IMMP2L: variants seen among roughly 807,000 people sequenced by gnomAD.
IMMP2L encodes mitochondrial inner membrane protease subunit 2.
In IMMP2L, 18 loss-of-function variants were observed where a neutral mutation model predicts 19.3. That is an observed-to-expected ratio of 0.93 (90% confidence interval 0.64 to 1.38). The LOEUF is 1.38. IMMP2L is among the 40% of genes most tolerant of loss of function. The pLI is 0.00. For synonymous variants in IMMP2L, 76 were observed against 73.0 expected, an observed-to-expected ratio of 1.04 and a Z score of -0.21; for missense variants, 233 against 218.2, an observed-to-expected ratio of 1.07 and a Z score of -0.43.
intron 3 of IMMP2L, among the ~76,000 whole-genome samples, chr7:111,041,746 G>A (rs1004845449): frequency 1.2e-4 from 19 of 152,030 alleles, no homozygotes; most frequent in African/African-American, 4.4e-4. Context: ...TCAGCCCAGG[G>A]CTTTCCTTTG....
At chr7:110,817,107 G>T (rs1427442888) in intron 5 of IMMP2L, among the ~76,000 whole-genome samples, 1 of 152,024 alleles carries the variant, frequency 6.6e-6, no homozygotes, top group African/African-American at 2.4e-5. Context: ...AGAAGTTCTG[G>T]CCAGGGCAAT....
chr7:111,238,231 G>C (rs1024785365), intron 3 of IMMP2L, among the ~76,000 whole-genome samples: 8 of 152,006 alleles, frequency 5.3e-5, no homozygotes, highest in African/African-American at 1.9e-4. Context: ...AAGAAGACAG[G>C]CTGGAAGTCT....
intron 3 of IMMP2L, among the ~76,000 whole-genome samples, chr7:111,387,542 T>G (rs369840227): frequency 6.6e-6 from 1 of 152,172 alleles, no homozygotes; most frequent in Non-Finnish European, 1.5e-5. Flanking sequence ...CTTAACAATA[T>G]AGATGGTTTC....
At chr7:110,864,364 G>A (rs1465482753) in intron 5 of IMMP2L, among the ~76,000 whole-genome samples, 1 of 151,990 alleles carries the variant, frequency 6.6e-6, no homozygotes, top group Middle Eastern at 3.2e-3. Context: ...GTATGAATGT[G>A]TTCAAATATA....
At position 111,350,433 on chromosome 7, in the gene IMMP2L, T is replaced by A. The variant is rs1828036140; in HGVS notation, c.239+136805A>T. Among the ~76,000 whole-genome samples the A allele has an allele frequency of 2.6e-5, 4 of 152,058 alleles. No homozygotes were observed. The South Asian group carries it at 8.3e-4, about 32-fold the overall frequency. On this transcript the variant is annotated intron_variant, in intron 3 of 5. Coordinates refer to ENST00000405709, the MANE Select transcript of IMMP2L (RefSeq NM_032549.4). ...TATTATAAATTGTTAGGCTATGAAC[T>A]CATTGAACAGGGCCATCTTAGTGTC...
intron 5 of IMMP2L, among the ~76,000 whole-genome samples, chr7:110,842,978 T>C (rs983106112): frequency 1.1e-4 from 16 of 152,102 alleles, no homozygotes; most frequent in African/African-American, 3.6e-4. Flanking sequence ...AACCACAGCT[T>C]AGAAAAACTA....
intron 2 of IMMP2L, among the ~76,000 whole-genome samples, chr7:111,488,990 T>A (rs969932355): frequency 6.6e-6 from 1 of 152,032 alleles, no homozygotes; most frequent in Admixed American, 6.5e-5. Context: ...TTATTGGCCA[T>A]TTGTGTATCT....
chr7:111,383,654 T>G (rs560787956), intron 3 of IMMP2L, among the ~76,000 whole-genome samples: 1 of 152,156 alleles, frequency 6.6e-6, no homozygotes, highest in South Asian at 2.1e-4. Context: ...AATGCATCAG[T>G]CCAGAATCCC....
intron 3 of IMMP2L, among the ~76,000 whole-genome samples, chr7:111,155,703 C>T (rs1465790262): frequency 6.6e-6 from 1 of 151,606 alleles, no homozygotes; most frequent in African/African-American, 2.4e-5. Flanking sequence ...CACAGACAGT[C>T]ATGTTTTCTA....
At chr7:111,488,522 T>C (rs911596085) in intron 2 of IMMP2L, among the ~76,000 whole-genome samples, 3 of 152,206 alleles carry the variant, frequency 2.0e-5, no homozygotes, top group African/African-American at 7.2e-5. Context: ...ATTTCGTTCC[T>C]TTTTATGGCT....
intron 3 of IMMP2L, among the ~76,000 whole-genome samples, chr7:111,336,228 G>GT (rs1826395762): frequency 6.9e-6 from 1 of 145,940 alleles, no homozygotes; most frequent in African/African-American, 2.5e-5. Context: ...TTTTTTTTAA[G>GT]TTTTTTGTAG....
intron 3 of IMMP2L, among the ~76,000 whole-genome samples, chr7:110,993,324 C>T (rs996705260): frequency 2.6e-5 from 4 of 152,282 alleles, no homozygotes; most frequent in Middle Eastern, 3.4e-3. Context: ...GTTCCTATGT[C>T]TCTGCTCTAA....
intron 3 of IMMP2L, among the ~76,000 whole-genome samples, chr7:111,315,752 A>G (rs1409837068): frequency 6.6e-6 from 1 of 151,834 alleles, no homozygotes; most frequent in Non-Finnish European, 1.5e-5. Flanking sequence ...AAAAGGCTTC[A>G]TTTTTCAACT....
At chr7:111,516,871 C>G (rs1370528942) in intron 2 of IMMP2L, among the ~76,000 whole-genome samples, 1 of 151,958 alleles carries the variant, frequency 6.6e-6, no homozygotes, top group Non-Finnish European at 1.5e-5. Context: ...CCCAGCAGAC[C>G]AAGGTGAGTG....
At chr7:111,411,767 G>T in intron 3 of IMMP2L, 1 of 199,122 alleles carries the variant, frequency 5.0e-6, no homozygotes. Flanking sequence ...GGAGGAGCTG[G>T]TGAGCGTCAA....
chr7:111,095,058 T>TC (rs1797263225), intron 3 of IMMP2L, among the ~76,000 whole-genome samples: 1 of 152,050 alleles, frequency 6.6e-6, no homozygotes, highest in Non-Finnish European at 1.5e-5. Context: ...TGCTATTATG[T>TC]TAATTCATCT....
chr7:110,692,400 T>C (rs538089910), intron 5 of IMMP2L, among the ~76,000 whole-genome samples: 5 of 112,052 alleles, frequency 4.5e-5, no homozygotes, highest in South Asian at 5.8e-4. Context: ...GTACAATATA[T>C]ACTACGCGGG....
chr7:110,789,591 A>C (rs1800325193), intron 5 of IMMP2L, among the ~76,000 whole-genome samples: 3 of 151,718 alleles, frequency 2.0e-5, no homozygotes, highest in South Asian at 4.1e-4. Flanking sequence ...TAAAAGTATA[A>C]ATCAGTTATG....
intron 3 of IMMP2L, among the ~76,000 whole-genome samples, chr7:111,208,039 A>T (rs533205684): frequency 9.2e-5 from 14 of 152,052 alleles, no homozygotes; most frequent in African/African-American, 3.1e-4. Flanking sequence ...TACCAAACAA[A>T]CTATTATTAG....
Sources: gnomAD v4.1 joint callset for allele counts (sites outside exome capture counted in the v4.1 genomes callset) on GRCh38, gnomAD v4.1.1 for gene constraint, MANE v1.5 for transcripts, NCBI Gene and HGNC (gene_info 2026-07-23, HGNC 2026-07-21) for gene names.